PLEKHA8: variants seen among roughly 807,000 people sequenced by gnomAD.
The protein encoded by PLEKHA8 is pleckstrin homology domain containing A8, also known as pleckstrin homology domain-containing family A member 8.
Under a neutral mutation model 68.2 loss-of-function variants are expected in PLEKHA8, and 36 were observed. The ratio of observed to expected loss-of-function variants is 0.53; its 90% CI spans 0.40 to 0.70. The LOEUF (loss-of-function observed/expected upper bound fraction) is 0.70. Ranked by LOEUF, PLEKHA8 falls within the 30% of genes least tolerant of loss-of-function variation. PLEKHA8 has a pLI of 0.00. For synonymous variants in PLEKHA8, 211 were observed against 216.1 expected, an observed-to-expected ratio of 0.98 and a Z score of 0.20; for missense variants, 505 against 615.4, an observed-to-expected ratio of 0.82 and a Z score of 1.90.
chr7:30,054,266 C>T (rs1240270239), intron 7 of PLEKHA8, among the ~76,000 whole-genome samples: 1 of 152,102 alleles, frequency 6.6e-6, no homozygotes, highest in Admixed American at 6.6e-5. Flanking sequence ...CACGTGTCCA[C>T]AAATGTCTGC....
chr7:30,062,580 AC>A lies in PLEKHA8; in HGVS notation c.1230-91del, dbSNP rs1318833470. 64 of 876,550 alleles carry A rather than the reference AC, an allele frequency of 7.3e-5. No individual in the cohort carries two copies. The East Asian group carries it at 1.6e-3, about 22-fold the overall frequency. The allele number at this position is 876,550 out of a possible 1,614,324, so 54.3% of individuals were successfully genotyped here. A position where few individuals can be genotyped will look rare whatever the true frequency, so the allele number is the denominator to read the frequency against. On this transcript the variant is annotated intron_variant, in intron 11 of 13. Coordinates refer to ENST00000449726, the MANE Select transcript of PLEKHA8 (RefSeq NM_001197026.2). ...TATTCACTGCTGTGCCTAAGATGTT[AC>A]TGAAATGGAAGCTGATGTCTGCCAT...
At chr7:30,067,361 T>G (rs928119976) in intron 12 of PLEKHA8, among the ~76,000 whole-genome samples, 1 of 152,166 alleles carries the variant, frequency 6.6e-6, no homozygotes, top group Non-Finnish European at 1.5e-5. Context: ...TTCTAGCTAC[T>G]TGGGGGCCTG....
intron 6 of PLEKHA8, 66 bp from the exon 7 acceptor site, chr7:30,052,640 CAAA>C (rs75714651): frequency 0.019 from 19,344 of 1,044,514 alleles, 1 homozygote; most frequent in East Asian, 0.03. Flanking sequence ...GACCCTGTTT[CAAA>C]AAAAAAAAAA....
chr7:30,049,175 T>G (rs1792200829), intron 4 of PLEKHA8, 49 bp from the exon 5 acceptor site: 1 of 1,611,138 alleles, frequency 6.2e-7, no homozygotes. Flanking sequence ...AATTGGGCTT[T>G]TTCTTTTTTG....
rs1055525254 is a variant in PLEKHA8 at position 30,073,496 on chromosome 7, A to G, written c.1301-575A>G. ...TTATATGTATTGACCTTTTCCCACC[A>G]TGATAATAAGCTGAAGTTCAGATAT... On this transcript the variant is annotated intron_variant, in intron 12 of 13. Transcript: ENST00000449726. Among the ~76,000 whole-genome samples, 15 of 150,070 alleles carry G rather than the reference A, an allele frequency of 1.0e-4. No homozygotes were observed. The Admixed American group carries it at 1.0e-3, about 10-fold the overall frequency.
chr7:30,099,442 A>G (rs1244790551), intron 13 of PLEKHA8, among the ~76,000 whole-genome samples: 1 of 152,238 alleles, frequency 6.6e-6, no homozygotes, highest in African/African-American at 2.4e-5. Flanking sequence ...TGCATTAGGA[A>G]CCCAGAGTGC....
At chr7:30,038,277 A>G (rs921659665) in intron 1 of PLEKHA8, among the ~76,000 whole-genome samples, 1 of 152,182 alleles carries the variant, frequency 6.6e-6, no homozygotes, top group African/African-American at 2.4e-5. Flanking sequence ...ACCAAGATAG[A>G]CCATGTTCTG....
At chr7:30,040,099 G>A (rs1252051706) in intron 1 of PLEKHA8, among the ~76,000 whole-genome samples, 1 of 152,192 alleles carries the variant, frequency 6.6e-6, no homozygotes, top group African/African-American at 2.4e-5. Context: ...TTTTTGTCAA[G>A]TGCTTTTTGT....
Position 30,107,562 on chromosome 7 carries a change from G to A in PLEKHA8, c.1363-21704G>A, listed in dbSNP as rs187477471. Among the ~76,000 whole-genome samples the A allele has an allele frequency of 2.9e-3, 442 of 151,818 alleles. 2 individuals carry two copies. The highest frequency in any genetic ancestry group is 0.01 in the African/African-American group (422 of 41,396). On this transcript the variant is annotated intron_variant, in intron 13 of 13. Coordinates refer to the PLEKHA8 transcript ENST00000396257. ...TATTTCTTTTTCTTGTCTTATATAA[G>A]CAAAAAGGTTTTATACAATGCTGAA...
chr7:30,078,884 C>T lies in PLEKHA8; in HGVS notation c.*97C>T, dbSNP rs774092647. 3.4e-6 allele frequency: 5 copies of T among 1,476,688 alleles called. No individual in the cohort carries two copies. The highest frequency in any genetic ancestry group is 2.8e-5 in the African/African-American group (2 of 70,882). The allele number at this position is 1,476,688 out of a possible 1,614,324, so 91.5% of individuals were successfully genotyped here. On this transcript the variant is annotated 3_prime_UTR_variant, in exon 14 of 14. Coordinates refer to ENST00000449726, the MANE Select transcript of PLEKHA8 (RefSeq NM_001197026.2). ...AGCAACAGCCTCAACCCTCTCCAAC[C>T]CCTTCACCTGGGGGGATGGACAGGA...
intron 9 of PLEKHA8, among the ~76,000 whole-genome samples, chr7:30,057,634 T>A (rs1356723991): frequency 6.6e-6 from 1 of 152,080 alleles, no homozygotes; most frequent in Non-Finnish European, 1.5e-5. Context: ...ATTTTTTTTG[T>A]ATTTTTAATA....
downstream of PLEKHA8, among the ~76,000 whole-genome samples, chr7:30,093,633 A>G (rs1795498983): frequency 6.6e-6 from 1 of 152,352 alleles, no homozygotes; most frequent in South Asian, 2.1e-4. Context: ...AACCCTGCTC[A>G]TAAGATTCTT....
At chr7:30,097,984 T>C (rs1795692842) in intron 13 of PLEKHA8, among the ~76,000 whole-genome samples, 1 of 152,212 alleles carries the variant, frequency 6.6e-6, no homozygotes, top group Non-Finnish European at 1.5e-5. Context: ...TTGATGATGG[T>C]GACGTACAGA....
chr7:30,115,608 T>G (rs796162738), intron 13 of PLEKHA8, among the ~76,000 whole-genome samples: 4 of 150,486 alleles, frequency 2.7e-5, no homozygotes, highest in African/African-American at 4.9e-5. Context: ...ATACATACAT[T>G]TATACATGCA....
chr7:30,118,593 T>C (rs1421261828), intron 13 of PLEKHA8, among the ~76,000 whole-genome samples: 4 of 151,710 alleles, frequency 2.6e-5, no homozygotes, highest in African/African-American at 7.3e-5. Flanking sequence ...TTTTTTTTTT[T>C]TTGAGACGGA....
Position 30,084,468 on chromosome 7 carries a change from C to T in PLEKHA8, c.*5681C>T. On this transcript the variant is annotated 3_prime_UTR_variant, in exon 14 of 14. Transcript: ENST00000449726. ...CTTAGAATATAATATGTTGGAGCCT[C>T]TTGGGACCAACCGATGAGCGACAGT... is the stretch of plus-strand genomic sequence containing the variant. The T allele has an allele frequency of 3.0e-6, 3 of 985,148 alleles. No individual in the cohort carries two copies. The highest frequency in any genetic ancestry group is 3.6e-6 in the Non-Finnish European group (3 of 829,774). The allele number at this position is 985,148 out of a possible 1,614,324, so 61.0% of individuals were successfully genotyped here. A position where few individuals can be genotyped will look rare whatever the true frequency, so the allele number is the denominator to read the frequency against.
At chr7:30,056,312 C>CTCTCTCTCTCTCTCTCTCTCTCTA (rs796845171) in intron 9 of PLEKHA8, among the ~76,000 whole-genome samples, 6 of 94,544 alleles carry the variant, frequency 6.3e-5, no homozygotes, top group Non-Finnish European at 2.1e-5. Flanking sequence ...CTCTCTCTCT[C>CTCTCTCTCTCTCTCTCTCTCTCTA]TATATATATA....
At chr7:30,097,089 T>C (rs1795649792) in intron 13 of PLEKHA8, among the ~76,000 whole-genome samples, 1 of 152,196 alleles carries the variant, frequency 6.6e-6, no homozygotes, top group African/African-American at 2.4e-5. Flanking sequence ...CTTATGAATC[T>C]TAGTTTGGCT....
chr7:30,074,445 A>G (rs1794484012), intron 13 of PLEKHA8, among the ~76,000 whole-genome samples: 2 of 152,180 alleles, frequency 1.3e-5, no homozygotes, highest in Admixed American at 6.5e-5. Flanking sequence ...ACCCTAGCCA[A>G]TTCTAATTAC....
Sources: gnomAD v4.1 joint callset for allele counts (sites outside exome capture counted in the v4.1 genomes callset) on GRCh38, gnomAD v4.1.1 for gene constraint, MANE v1.5 for transcripts, NCBI Gene and HGNC (gene_info 2026-07-23, HGNC 2026-07-21) for gene names.